CRTAC1: variants seen among roughly 807,000 people sequenced by gnomAD.
CRTAC1 encodes the protein cartilage acidic protein 1.
CRTAC1 carries 37 observed loss-of-function variants against 67.8 expected under a neutral mutation model. That is an observed-to-expected ratio of 0.55 (90% CI 0.42 to 0.72). CRTAC1 has a LOEUF of 0.72. Ranked by LOEUF, CRTAC1 falls within the 30% of genes least tolerant of loss-of-function variation. CRTAC1 has a pLI of 0.00. For synonymous variants in CRTAC1, 348 were observed against 371.0 expected (o/e 0.94, Z 0.71); for missense variants, 780 against 931.6 (o/e 0.84, Z 2.12).
chr10:97,949,293 G>A (rs2051313364), intron 2 of CRTAC1, among the ~76,000 whole-genome samples: 1 of 152,240 alleles, frequency 6.6e-6, no homozygotes, highest in African/African-American at 2.4e-5. Flanking sequence ...GCTGTGAGCA[G>A]GTGCTGGGAC....
chr10:97,974,137 T>C (rs1337185534), intron 2 of CRTAC1, among the ~76,000 whole-genome samples: 1 of 152,164 alleles, frequency 6.6e-6, no homozygotes, highest in Non-Finnish European at 1.5e-5. Context: ...GTGCAGGAGA[T>C]ATTTTTGCAT....
intron 2 of CRTAC1, among the ~76,000 whole-genome samples, chr10:97,936,940 C>T (rs1179913268): frequency 6.6e-6 from 1 of 152,026 alleles, no homozygotes; most frequent in Non-Finnish European, 1.5e-5. Context: ...AGTCCTGAGT[C>T]CCTGTGTGAA....
intron 2 of CRTAC1, among the ~76,000 whole-genome samples, chr10:97,962,430 T>A (rs1314417981): frequency 2.0e-5 from 3 of 152,240 alleles, no homozygotes; most frequent in Admixed American, 2.0e-4. Context: ...TTGAAGAGCT[T>A]CACAGTCATT....
intron 3 of CRTAC1, 24 bp downstream of exon 3, chr10:97,936,146 A>G: frequency 6.4e-7 from 1 of 1,563,460 alleles, no homozygotes; most frequent in Non-Finnish European, 8.7e-7. Context: ...GGAAGCAGGA[A>G]GAGGCCTGAG....
chr10:97,978,857 G>A (rs1178333131), intron 2 of CRTAC1, among the ~76,000 whole-genome samples: 2 of 152,162 alleles, frequency 1.3e-5, no homozygotes, highest in African/African-American at 4.8e-5. Flanking sequence ...GATTTCTGTG[G>A]AGGCAAGAAT....
chr10:97,949,746 G>C (rs1024133515), intron 2 of CRTAC1, among the ~76,000 whole-genome samples: 2 of 152,186 alleles, frequency 1.3e-5, no homozygotes, highest in Admixed American at 1.3e-4. Context: ...CAGCTGTGTG[G>C]GTGCTCCTGG....
At chr10:97,991,378 A>C (rs1312081033) in intron 2 of CRTAC1, among the ~76,000 whole-genome samples, 4 of 151,628 alleles carry the variant, frequency 2.6e-5, no homozygotes, top group Non-Finnish European at 5.9e-5. Context: ...GCACCACTGC[A>C]CTCCAGCCTG....
chr10:97,882,785 C>A lies in CRTAC1; in HGVS notation c.1675+1G>T. ...TGCCCTGGTGACTGAAGGCAACTCA[C>A]CCATGCAATGGCCATTTTCCTGCTG... On this transcript the variant is annotated splice_donor_variant, in intron 13 of 14. Transcript: ENST00000370597. LOFTEE classifies it high-confidence loss of function. The A allele has an allele frequency of 6.2e-7, 1 of 1,614,180 alleles. No individual in the cohort carries two copies. The highest frequency in any genetic ancestry group is 8.5e-7 in the Non-Finnish European group (1 of 1,180,016).
chr10:97,989,663 C>A (rs73334632), intron 2 of CRTAC1, among the ~76,000 whole-genome samples: 1 of 152,198 alleles, frequency 6.6e-6, no homozygotes, highest in African/African-American at 2.4e-5. Context: ...CCTATTAGTT[C>A]TTTTCTCTTA....
chr10:97,950,487 T>C (rs1184957515), intron 2 of CRTAC1, among the ~76,000 whole-genome samples: 2 of 152,186 alleles, frequency 1.3e-5, no homozygotes, highest in African/African-American at 4.8e-5. Context: ...AGTCCGGGGC[T>C]GGGCACAGGA....
intron 3 of CRTAC1, among the ~76,000 whole-genome samples, chr10:97,926,084 G>C (rs74413644): frequency 6.6e-6 from 1 of 152,176 alleles, no homozygotes; most frequent in Admixed American, 6.5e-5. Flanking sequence ...CCAGGGAGGA[G>C]GAAAAGTCCC....
At chr10:97,930,722 G>A (rs530608257) in intron 3 of CRTAC1, among the ~76,000 whole-genome samples, 2 of 152,264 alleles carry the variant, frequency 1.3e-5, no homozygotes, top group South Asian at 4.1e-4. Context: ...GAGGGCAGAA[G>A]AGGCTGGAAG....
intron 5 of CRTAC1, among the ~76,000 whole-genome samples, chr10:97,912,542 A>G (rs1021365069): frequency 7.0e-6 from 1 of 143,760 alleles, no homozygotes; most frequent in Non-Finnish European, 1.5e-5. Context: ...AGACCCAAGT[A>G]CAAGTCGGGT....
intron 2 of CRTAC1, among the ~76,000 whole-genome samples, chr10:97,962,799 T>C (rs957342994): frequency 2.8e-5 from 4 of 143,540 alleles, no homozygotes; most frequent in Non-Finnish European, 6.0e-5. Flanking sequence ...TGAAATTCAG[T>C]ACACACCCCG....
intron 2 of CRTAC1, among the ~76,000 whole-genome samples, chr10:97,950,582 A>T (rs1186934193): frequency 6.6e-6 from 1 of 152,208 alleles, no homozygotes; most frequent in African/African-American, 2.4e-5. Context: ...TACTAGACAC[A>T]GGTCACGGGC....
chr10:97,939,452 C>T (rs1040552474), intron 2 of CRTAC1, among the ~76,000 whole-genome samples: 8 of 152,162 alleles, frequency 5.3e-5, no homozygotes, highest in Admixed American at 1.3e-4. Flanking sequence ...CTCATCTCCC[C>T]CAGTCCCCAC....
chr10:97,935,112 G>A (rs1424308450), intron 3 of CRTAC1, among the ~76,000 whole-genome samples: 2 of 152,174 alleles, frequency 1.3e-5, no homozygotes, highest in African/African-American at 4.8e-5. Flanking sequence ...AAGCCGTAGA[G>A]CATCTTGATT....
chr10:97,873,889 C>T (rs528004221), intron 14 of CRTAC1, among the ~76,000 whole-genome samples: 1 of 152,332 alleles, frequency 6.6e-6, no homozygotes, highest in South Asian at 2.1e-4. Context: ...CACTCGGGAC[C>T]CCCATTCAGA....
chr10:97,906,295 C>T lies in CRTAC1; in HGVS notation c.851-1481G>A, dbSNP rs151044655. 2.5e-3 allele frequency among the ~76,000 whole-genome samples: 376 copies of T among 152,326 alleles called. 2 individuals are homozygous for T. The highest frequency in any genetic ancestry group is 8.0e-3 in the African/African-American group (333 of 41,566). ...CTGCCAAACTCCTCGGCCCAAATGT[C>T]GGTGGCCTTCTGCGTTGGCCCATTT... On this transcript the variant is annotated intron_variant, in intron 6 of 14. Coordinates refer to ENST00000370597, the MANE Select transcript of CRTAC1 (RefSeq NM_018058.7).
Sources: allele counts gnomAD v4.1 joint callset (sites outside exome capture counted in the v4.1 genomes callset), GRCh38; gene constraint gnomAD v4.1.1; transcripts MANE v1.5; gene names NCBI Gene and HGNC (gene_info 2026-07-23, HGNC 2026-07-21).